Variants in DACH1 observed in about 807,000 individuals in gnomAD.
DACH1 encodes the protein dachshund homolog 1.
DACH1 carries 12 observed loss-of-function variants against 54.2 expected under a neutral mutation model. The observed-to-expected ratio is 0.22, with a 90% confidence interval of 0.14 to 0.36. The LOEUF (loss-of-function observed/expected upper bound fraction) is 0.36, where lower values mean the gene tolerates loss of function less well. Among genes scored for constraint, DACH1 ranks in the 10% least tolerant of loss-of-function variants. The pLI, the probability that DACH1 is intolerant of heterozygous loss-of-function variation, is 1.00. For synonymous variants in DACH1, 386 were observed against 366.2 expected (o/e 1.05, Z -0.62); for missense variants, 805 against 929.8 (o/e 0.87, Z 1.75).
rs532943516 is a variant in DACH1, at chr13:71,864,757, TG to T, written c.848+1164del. Among the ~76,000 whole-genome samples, 261 of 135,852 alleles carry T rather than the reference TG, an allele frequency of 1.9e-3. 1 individual carries two copies. Among genetic ancestry groups the T allele is most frequent in the South Asian group, 0.012 (44 of 3,758 alleles). 89.1% of individuals were successfully genotyped at this position (135,852 alleles called of 152,430 possible). ...AAGTTGCCCCACTCCCGCCCCCTCTTGGTAGATCCTCCCCCACTGAGCGTTC... is the reference window on the plus strand; with the variant it reads ...AAGTTGCCCCACTCCCGCCCCCTCTTGTAGATCCTCCCCCACTGAGCGTTC... On this transcript the variant is annotated intron_variant, in intron 1 of 10. Coordinates refer to ENST00000613252, the MANE Select transcript of DACH1 (RefSeq NM_080759.6).
intron 1 of DACH1, among the ~76,000 whole-genome samples, chr13:71,795,058 G>A (rs767936875): frequency 1.3e-5 from 2 of 151,952 alleles, no homozygotes; most frequent in Non-Finnish European, 2.9e-5. Flanking sequence ...ATGTTACTGA[G>A]TAACATAAAT....
At chr13:71,602,107 A>T (rs1035778165) in intron 3 of DACH1, among the ~76,000 whole-genome samples, 1 of 151,976 alleles carries the variant, frequency 6.6e-6, no homozygotes, top group Non-Finnish European at 1.5e-5. Context: ...GGCTACATTG[A>T]GCTAATTTGA....
chr13:71,477,082 A>AT (rs1566282833), intron 8 of DACH1, among the ~76,000 whole-genome samples: 3 of 33,970 alleles, frequency 8.8e-5, no homozygotes, highest in South Asian at 1.1e-3. Context: ...TTTTATTATT[A>AT]TATATATATA....
chr13:71,582,529 T>C (rs1453572566), intron 3 of DACH1, among the ~76,000 whole-genome samples: 1 of 152,156 alleles, frequency 6.6e-6, no homozygotes, highest in Non-Finnish European at 1.5e-5. Context: ...CAACTTGTAA[T>C]ATGATAATCA....
At chr13:71,758,807 G>A (rs1377851324) in intron 1 of DACH1, among the ~76,000 whole-genome samples, 1 of 152,126 alleles carries the variant, frequency 6.6e-6, no homozygotes, top group African/African-American at 2.4e-5. Flanking sequence ...GTAATTCCAT[G>A]CCCATGTTGA....
At chr13:71,776,543 G>T (rs1259949043) in intron 1 of DACH1, among the ~76,000 whole-genome samples, 1 of 151,718 alleles carries the variant, frequency 6.6e-6, no homozygotes, top group Non-Finnish European at 1.5e-5. Flanking sequence ...TTCCATTTTG[G>T]GTGATGCTAT....
At chr13:71,864,171 G>GCACATACACA (rs1433924377) in intron 1 of DACH1, among the ~76,000 whole-genome samples, 1 of 115,544 alleles carries the variant, frequency 8.7e-6, no homozygotes, top group Admixed American at 9.5e-5. Context: ...TTGAGCGCGC[G>GCACATACACA]CGCGCACATA....
chr13:71,711,641 A>C (rs1054795689), intron 1 of DACH1, among the ~76,000 whole-genome samples: 1 of 152,178 alleles, frequency 6.6e-6, no homozygotes, highest in East Asian at 1.9e-4. Flanking sequence ...AACCAGAATT[A>C]ATTTTTTTTA....
At chr13:71,469,249 T>A (rs1411244344) in intron 10 of DACH1, among the ~76,000 whole-genome samples, 1 of 152,106 alleles carries the variant, frequency 6.6e-6, no homozygotes, top group Non-Finnish European at 1.5e-5. Context: ...CCAATCCACC[T>A]AACTATTTTA....
At chr13:71,845,330 T>G (rs951410959) in intron 1 of DACH1, among the ~76,000 whole-genome samples, 1 of 152,164 alleles carries the variant, frequency 6.6e-6, no homozygotes, top group Non-Finnish European at 1.5e-5. Context: ...ATCATGAAAG[T>G]GTGCCAATAT....
chr13:71,724,986 A>G (rs1345258891), intron 1 of DACH1, among the ~76,000 whole-genome samples: 1 of 152,162 alleles, frequency 6.6e-6, no homozygotes, highest in African/African-American at 2.4e-5. Context: ...TCCATTTGCA[A>G]GTGCAAAACA....
rs1555294455 is a variant in DACH1 at position 71,553,445 on chromosome 13, C to CATATATATATACATATATACATATATGGG, written c.1570+3550_1570+3578dup. Among the ~76,000 whole-genome samples, 80 of 81,830 alleles carry CATATATATATACATATATACATATATGGG rather than the reference C, an allele frequency of 9.8e-4. 6 individuals carry two copies. Among genetic ancestry groups the CATATATATATACATATATACATATATGGG allele is most frequent in the South Asian group, 6.8e-3 (10 of 1,468 alleles). 53.7% of individuals were successfully genotyped at this position (81,830 alleles called of 152,430 possible). A position where few individuals can be genotyped will look rare whatever the true frequency, so the allele number is the denominator to read the frequency against. On this transcript the variant is annotated intron_variant, in intron 6 of 10. Coordinates refer to ENST00000613252, the MANE Select transcript of DACH1 (RefSeq NM_080759.6). Reference sequence around the variant, plus strand: ...CATATATGTATATTAGACATATATCCATATATATATACATATATACATATA... The same window carrying CATATATATATACATATATACATATATGGG: ...CATATATGTATATTAGACATATATCCATATATATATACATATATACATATATGGGATATATATATACATATATACATATA...
At chr13:71,480,565 C>G (rs1877942164) in intron 7 of DACH1, among the ~76,000 whole-genome samples, 1 of 152,092 alleles carries the variant, frequency 6.6e-6, no homozygotes. Flanking sequence ...TTCAATTCAG[C>G]AATACAAAAT....
intron 2 of DACH1, among the ~76,000 whole-genome samples, chr13:71,672,907 G>C (rs1880287082): frequency 6.6e-6 from 1 of 152,126 alleles, no homozygotes; most frequent in Non-Finnish European, 1.5e-5. Flanking sequence ...CTGAAAATCT[G>C]ATTTGCTTTT....
intron 6 of DACH1, among the ~76,000 whole-genome samples, chr13:71,534,151 G>A (rs1882599372): frequency 6.6e-6 from 1 of 151,838 alleles, no homozygotes; most frequent in Non-Finnish European, 1.5e-5. Flanking sequence ...ATCTGACAGG[G>A]GAAAATGAAC....
chr13:71,788,780 A>AT (rs1284955167), intron 1 of DACH1, among the ~76,000 whole-genome samples: 1 of 152,030 alleles, frequency 6.6e-6, no homozygotes, highest in East Asian at 1.9e-4. Flanking sequence ...TAATTGGAAA[A>AT]AATGCATACA....
chr13:71,814,054 T>C (rs1887820497), intron 1 of DACH1, among the ~76,000 whole-genome samples: 1 of 152,208 alleles, frequency 6.6e-6, no homozygotes, highest in Non-Finnish European at 1.5e-5. Flanking sequence ...ATTATGAGCC[T>C]GTCAACAAAT....
At chr13:71,687,436 T>C (rs1386250165) in intron 1 of DACH1, among the ~76,000 whole-genome samples, 5 of 151,814 alleles carry the variant, frequency 3.3e-5, no homozygotes, top group African/African-American at 9.7e-5. Context: ...TCAGAGCACA[T>C]GAGACAGAAA....
At chr13:71,446,911 A>G (rs1038008509) in intron 10 of DACH1, among the ~76,000 whole-genome samples, 1 of 152,236 alleles carries the variant, frequency 6.6e-6, no homozygotes, top group Non-Finnish European at 1.5e-5. Flanking sequence ...ATATGACAGA[A>G]AAGTCATCAA....
Sources: allele counts gnomAD v4.1 joint callset (sites outside exome capture counted in the v4.1 genomes callset), GRCh38; gene constraint gnomAD v4.1.1; transcripts MANE v1.5; gene names NCBI Gene and HGNC (gene_info 2026-07-23, HGNC 2026-07-21).